RNF4: variants seen among roughly 807,000 people sequenced by gnomAD.
The protein encoded by RNF4 is E3 ubiquitin-protein ligase RNF4.
Under a neutral mutation model 24.3 loss-of-function variants are expected in RNF4, and 7 were observed. That is an observed-to-expected ratio of 0.29 (90% CI 0.16 to 0.54). The LOEUF (loss-of-function observed/expected upper bound fraction) is 0.54, where lower values mean the gene tolerates loss of function less well. Ranked by LOEUF, RNF4 falls within the 20% of genes least tolerant of loss-of-function variation. RNF4 has a pLI of 0.95. For missense variants in RNF4, 209 were observed against 248.5 expected, an observed-to-expected ratio of 0.84 and a Z score of 1.07; for synonymous variants, 83 against 84.3, an observed-to-expected ratio of 0.98 and a Z score of 0.09.
intron 1 of RNF4, among the ~76,000 whole-genome samples, chr4:2,488,548 G>A (rs17132645): frequency 0.32 from 48,890 of 152,106 alleles, 9,344 homozygotes; most frequent in Admixed American, 0.52. Flanking sequence ...TGGTCACTGG[G>A]AAGGTTTATT....
chr4:2,511,904 A>C, intron 4 of RNF4, 52 bp from the exon 5 acceptor site: 2 of 1,560,328 alleles, frequency 1.3e-6, no homozygotes, highest in Admixed American at 3.8e-5. Flanking sequence ...TTTATCACTT[A>C]TATCAAACTG....
At chr4:2,483,485 A>T (rs1027696306) in intron 1 of RNF4, among the ~76,000 whole-genome samples, 1 of 152,162 alleles carries the variant, frequency 6.6e-6, no homozygotes, top group African/African-American at 2.4e-5. Flanking sequence ...TATTGATATG[A>T]CTGAGGGTAT....
At position 2,499,308 on chromosome 4, in the gene RNF4, T is replaced by C. The variant is rs149484206; in HGVS notation, c.125-1351T>C. 3.4e-3 allele frequency: 1,551 copies of C among 451,622 alleles called. 23 individuals carry two copies. Among genetic ancestry groups the C allele is most frequent in the African/African-American group, 0.027 (1,334 of 49,804 alleles). 28.0% of individuals were successfully genotyped at this position (451,622 alleles called of 1,614,324 possible). On this transcript the variant is annotated intron_variant, in intron 3 of 7. Transcript: ENST00000314289. ...GTTGTTGTTGTTGTTTGTTTGTTTT[T>C]GAGATGGAGTTTTGCTCTTGTTGCC...
chr4:2,509,418 ATGT>A (rs1736202129), intron 4 of RNF4, among the ~76,000 whole-genome samples: 1 of 151,990 alleles, frequency 6.6e-6, no homozygotes, highest in African/African-American at 2.4e-5. Flanking sequence ...GGGTTTCACC[ATGT>A]TGGTCAGGCT....
rs183903277 is a variant in RNF4, at chr4:2,478,286, G to C, written c.-158+9028G>C. Among the ~76,000 whole-genome samples the C allele has an allele frequency of 2.2e-3, 337 of 152,310 alleles. 1 individual carries two copies. The highest frequency in any genetic ancestry group is 7.5e-3 in the African/African-American group (310 of 41,584). The stretch of plus-strand genomic sequence containing the variant: ...AAGTTTGGAAAATTTGCAGCCTCCT[G>C]TCAATGTGCTAGAAAATAAAATTCC... On this transcript the variant is annotated intron_variant, in intron 1 of 7. Transcript: ENST00000314289.
chr4:2,505,602 G>C (rs1736072373), intron 4 of RNF4: 1 of 151,538 alleles, frequency 6.6e-6, no homozygotes. Context: ...TGGGATTATA[G>C]GTGTGAGCCA....
intron 1 of RNF4, among the ~76,000 whole-genome samples, chr4:2,487,757 C>T (rs1032726759): frequency 6.6e-6 from 1 of 152,208 alleles, no homozygotes; most frequent in African/African-American, 2.4e-5. Flanking sequence ...CCCGTAGTCC[C>T]ATAGTATGGG....
At chr4:2,477,606 C>A (rs1213544836) in intron 1 of RNF4, among the ~76,000 whole-genome samples, 2 of 151,854 alleles carry the variant, frequency 1.3e-5, no homozygotes, top group African/African-American at 2.4e-5. Context: ...AGATCTGATG[C>A]TTTTATAAGG....
intron 4 of RNF4, among the ~76,000 whole-genome samples, chr4:2,503,101 C>G (rs1735966595): frequency 6.6e-6 from 1 of 152,036 alleles, no homozygotes; most frequent in South Asian, 2.1e-4. Flanking sequence ...GTCTTGAACT[C>G]CTGGGCTCAA....
chr4:2,500,840 G>A (rs1159410331), intron 4 of RNF4, 102 bp downstream of exon 4: 2 of 1,062,070 alleles, frequency 1.9e-6, no homozygotes, highest in African/African-American at 3.1e-5. Context: ...CAAGGTTACA[G>A]CTTATGCTAA....
At chr4:2,503,416 T>C (rs1467073475) in intron 4 of RNF4, among the ~76,000 whole-genome samples, 1 of 152,038 alleles carries the variant, frequency 6.6e-6, no homozygotes, top group Non-Finnish European at 1.5e-5. Context: ...GGAGAGCTGA[T>C]AGGTAAAAGG....
At chr4:2,498,042 T>A (rs1189086557) in intron 3 of RNF4, among the ~76,000 whole-genome samples, 1 of 152,172 alleles carries the variant, frequency 6.6e-6, no homozygotes, top group Non-Finnish European at 1.5e-5. Flanking sequence ...CTTCTACAAA[T>A]GAGTTCTTGA....
chr4:2,494,000 GCC>G (rs1735658974), intron 2 of RNF4, among the ~76,000 whole-genome samples: 1 of 151,440 alleles, frequency 6.6e-6, no homozygotes, highest in South Asian at 2.1e-4. Context: ...ATGCCACCAC[GCC>G]CAGCTACTTT....
In RNF4 at chr4:2,512,622, T is replaced by C; in HGVS notation, c.374+25T>C. On this transcript the variant is annotated intron_variant, in intron 6 of 7. Coordinates refer to ENST00000314289, the MANE Select transcript of RNF4 (RefSeq NM_002938.5). The surrounding 1 kb of genome is among the most constrained non-coding windows in gnomAD (Gnocchi z 4.1). Reference sequence around the variant, plus strand: ...GGTACCAACGTGCCCCCAGCTCTGCTGCCGCCATGCTAGGATGTGGGGCCA... The same window carrying C: ...GGTACCAACGTGCCCCCAGCTCTGCCGCCGCCATGCTAGGATGTGGGGCCA... 1 of 1,611,848 alleles carries C rather than the reference T, an allele frequency of 6.2e-7. No individual in the cohort carries two copies. The highest frequency in any genetic ancestry group is 1.1e-5 in the South Asian group (1 of 90,920).
chr4:2,480,295 CAA>C (rs1007085019), intron 1 of RNF4: 4 of 131,694 alleles, frequency 3.0e-5, no homozygotes, highest in Non-Finnish European at 4.8e-5. Flanking sequence ...TTTTTTGAGA[CAA>C]AGTCTCAGTC....
rs146321169 is a variant in RNF4, at chr4:2,473,468, A to G, written c.-158+4210A>G. On this transcript the variant is annotated intron_variant, in intron 1 of 7. Transcript: ENST00000314289. ...TGACTTTGAGGGGTTCTAGACTTCA[A>G]TGGAAAAAGTAACTGTAGATGTGGT... Among the ~76,000 whole-genome samples, 1,412 of 152,294 alleles carry G rather than the reference A, an allele frequency of 9.3e-3. 15 individuals carry two copies. Among genetic ancestry groups the G allele is most frequent in the Middle Eastern group, 0.027 (8 of 294 alleles).
At chr4:2,506,155 T>A (rs1736093495) in intron 4 of RNF4, 1 of 150,714 alleles carries the variant, frequency 6.6e-6, no homozygotes, top group Admixed American at 6.8e-5. Flanking sequence ...GTTGAAAAAA[T>A]TGAACTAGAA....
intron 2 of RNF4, among the ~76,000 whole-genome samples, chr4:2,491,370 G>A (rs906447414): frequency 3.3e-5 from 5 of 152,024 alleles, no homozygotes; most frequent in African/African-American, 1.2e-4. Context: ...CCACATAGCT[G>A]CGATTACAGG....
intron 1 of RNF4, among the ~76,000 whole-genome samples, chr4:2,481,702 C>T (rs1352957216): frequency 6.6e-6 from 1 of 151,992 alleles, no homozygotes; most frequent in Admixed American, 6.6e-5. Context: ...TTTTGACTTG[C>T]ATGTGTGTTT....
Sources: allele counts gnomAD v4.1 joint callset (sites outside exome capture counted in the v4.1 genomes callset), GRCh38; gene constraint gnomAD v4.1.1; non-coding constraint Gnocchi (gnomAD v3.1); transcripts MANE v1.5; gene names NCBI Gene and HGNC (gene_info 2026-07-23, HGNC 2026-07-21).